DIAPH2: variants seen among roughly 807,000 people sequenced by gnomAD.
DIAPH2 encodes the protein protein diaphanous homolog 2.
Under a neutral mutation model 92.7 loss-of-function variants are expected in DIAPH2, and 35 were observed. The observed-to-expected ratio is 0.38, with a 90% CI of 0.29 to 0.50. The LOEUF (loss-of-function observed/expected upper bound fraction) is 0.50. DIAPH2 is among the 20% of genes least tolerant of loss of function. The pLI, the probability that DIAPH2 is intolerant of heterozygous loss-of-function variation, is 0.94. For synonymous variants in DIAPH2, 301 were observed against 280.4 expected, an observed-to-expected ratio of 1.07 and a Z score of -0.73; for missense variants, 701 against 819.5, an observed-to-expected ratio of 0.86 and a Z score of 1.77.
At chrX:97,158,643 G>A (rs1217780099) in intron 22 of DIAPH2, among the ~76,000 whole-genome samples, 2 of 112,183 alleles carry the variant, frequency 1.8e-5, no homozygotes, top group Admixed American at 9.5e-5. Context: ...TTTGACATTC[G>A]ATGGAGGGAA....
At chrX:97,423,700 A>G (rs5967310) in intron 25 of DIAPH2, among the ~76,000 whole-genome samples, 43,358 of 110,581 alleles carry the variant, frequency 0.39, 6,083 homozygotes, top group East Asian at 0.57. Flanking sequence ...AGTTGCTTCT[A>G]AAGTGTTACC....
At chrX:96,880,403 G>T (rs192378756) in intron 4 of DIAPH2, among the ~76,000 whole-genome samples, 1 of 111,692 alleles carries the variant, frequency 9.0e-6, no homozygotes, top group Non-Finnish European at 1.9e-5. Flanking sequence ...TTGAAATTCA[G>T]AAATTAAGAA....
intron 23 of DIAPH2, among the ~76,000 whole-genome samples, chrX:97,267,788 C>CT (rs893728522): frequency 4.5e-5 from 5 of 111,481 alleles, no homozygotes; most frequent in Non-Finnish European, 7.5e-5. Flanking sequence ...GTACATAACT[C>CT]TTTTAGGGTA....
At chrX:96,961,521 T>C (rs1444808734) in intron 16 of DIAPH2, among the ~76,000 whole-genome samples, 1 of 108,661 alleles carries the variant, frequency 9.2e-6, no homozygotes, top group Non-Finnish European at 1.9e-5. Flanking sequence ...TTAATCTCTG[T>C]CTGGCTCAGT....
intron 22 of DIAPH2, among the ~76,000 whole-genome samples, chrX:97,192,870 T>C (rs980994494): frequency 1.8e-5 from 2 of 110,719 alleles, no homozygotes; most frequent in Admixed American, 1.9e-4. Flanking sequence ...AGAGAGTTAC[T>C]TAAGACTCAC....
chrX:97,204,794 CT>C (rs2067782249), intron 22 of DIAPH2, among the ~76,000 whole-genome samples: 2 of 111,508 alleles, frequency 1.8e-5, no homozygotes, highest in African/African-American at 6.5e-5. Flanking sequence ...CTACCATTGA[CT>C]TTCTTCACAG....
intron 4 of DIAPH2, among the ~76,000 whole-genome samples, chrX:96,796,065 G>A (rs2064536423): frequency 9.0e-6 from 1 of 111,445 alleles, no homozygotes; most frequent in Non-Finnish European, 1.9e-5. Flanking sequence ...ATCCAAGAGG[G>A]GTCCTGGAAC....
chrX:96,686,644 A>T (rs2063772704), intron 1 of DIAPH2, among the ~76,000 whole-genome samples: 1 of 111,756 alleles, frequency 8.9e-6, no homozygotes, highest in Non-Finnish European at 1.9e-5. Context: ...TGTTAATATT[A>T]ACATGAATTT....
intron 4 of DIAPH2, among the ~76,000 whole-genome samples, chrX:96,879,318 G>A (rs1388440742): frequency 9.0e-6 from 1 of 111,368 alleles, no homozygotes; most frequent in Non-Finnish European, 1.9e-5. Context: ...AGAGAAAACT[G>A]CAAAATACAA....
intron 22 of DIAPH2, among the ~76,000 whole-genome samples, chrX:97,179,810 A>G (rs772580190): frequency 3.6e-5 from 4 of 112,241 alleles, no homozygotes; most frequent in African/African-American, 1.3e-4. Flanking sequence ...TTAGAGTTCC[A>G]CATGGCTGGG....
Position 97,545,547 on chromosome X carries a change from T to C in DIAPH2, c.3242-53706T>C, listed in dbSNP as rs1282412755. On this transcript the variant is annotated intron_variant, in intron 26 of 26. Coordinates refer to ENST00000324765, the MANE Select transcript of DIAPH2 (RefSeq NM_006729.5). ...GAAAAAAAAAAAATATATATATATA[T>C]ATATATATATATATTCTTAAAAAAT... Among the ~76,000 whole-genome samples the C allele has an allele frequency of 2.9e-5, 3 of 103,080 alleles. No individual in the cohort carries two copies. In the East Asian group the frequency reaches 8.9e-4, roughly 31 times the overall value. 89.5% of individuals were successfully genotyped at this position (103,080 alleles called of 115,157 possible). A position where few individuals can be genotyped will look rare whatever the true frequency, so the allele number is the denominator to read the frequency against.
intron 4 of DIAPH2, among the ~76,000 whole-genome samples, chrX:96,797,719 T>G (rs1395381479): frequency 8.9e-6 from 1 of 112,097 alleles, no homozygotes; most frequent in African/African-American, 3.2e-5. Flanking sequence ...AAAGGGTAGA[T>G]GTACAGGATG....
Position 97,219,295 on chromosome X carries a change from C to T in DIAPH2, c.2720-28420C>T, listed in dbSNP as rs138584633. On this transcript the variant is annotated intron_variant, in intron 22 of 26. Transcript: ENST00000324765. ...TATGATATAAGCATACATGCACTTA[C>T]GATTTTGCTTTTTTATTTCTTTTCA... Among the ~76,000 whole-genome samples, 153 of 112,001 alleles carry T rather than the reference C, an allele frequency of 1.4e-3. 1 individual carries two copies. In the East Asian group the frequency reaches 0.036, roughly 27 times the overall value.
chrX:97,047,542 C>CTTTTTTTTTTTTTTTTT (rs5903064), intron 17 of DIAPH2, among the ~76,000 whole-genome samples: 1 of 30,101 alleles, frequency 3.3e-5, no homozygotes, highest in African/African-American at 1.6e-4. Flanking sequence ...ATAAAATAGG[C>CTTTTTTTTTTTTTTTTT]TTTTTTTTTT....
At chrX:97,334,150 TC>T (rs1421031977) in intron 23 of DIAPH2, among the ~76,000 whole-genome samples, 4 of 110,440 alleles carry the variant, frequency 3.6e-5, no homozygotes, top group Non-Finnish European at 7.6e-5. Flanking sequence ...TCAGAATAGT[TC>T]CAGTTCCTTA....
chrX:97,242,508 C>T (rs180786646), intron 22 of DIAPH2, among the ~76,000 whole-genome samples: 23 of 109,993 alleles, frequency 2.1e-4, no homozygotes, highest in Non-Finnish European at 2.8e-4. Flanking sequence ...GGATTACAGG[C>T]GGGCACCACC....
At chrX:97,415,339 C>T (rs1451905444) in intron 25 of DIAPH2, among the ~76,000 whole-genome samples, 1 of 111,873 alleles carries the variant, frequency 8.9e-6, no homozygotes, top group Non-Finnish European at 1.9e-5. Context: ...TTGACCCAGC[C>T]ATCCCATTAC....
intron 11 of DIAPH2, among the ~76,000 whole-genome samples, chrX:96,937,888 T>C (rs1448068756): frequency 8.9e-6 from 1 of 111,950 alleles, no homozygotes; most frequent in Non-Finnish European, 1.9e-5. Context: ...GCATATAACC[T>C]TCCGACGGCA....
chrX:96,715,341 G>T (rs888652876), intron 1 of DIAPH2, among the ~76,000 whole-genome samples: 1 of 111,815 alleles, frequency 8.9e-6, no homozygotes, highest in African/African-American at 3.2e-5. Context: ...CAACAAAATA[G>T]TCTTGCAGTT....
Sources: gnomAD v4.1 joint callset for allele counts (sites outside exome capture counted in the v4.1 genomes callset) on GRCh38, gnomAD v4.1.1 for gene constraint, MANE v1.5 for transcripts, NCBI Gene and HGNC (gene_info 2026-07-23, HGNC 2026-07-21) for gene names.